Variants in COMT observed in about 807,000 individuals in gnomAD.
The protein encoded by COMT is catechol O-methyltransferase.
A neutral mutation model predicts 18.9 loss-of-function variants in COMT; 13 were observed. That is an observed-to-expected ratio of 0.69 (90% CI 0.45 to 1.09). The LOEUF (loss-of-function observed/expected upper bound fraction) is 1.09. COMT is among the 50% of genes least tolerant of loss of function. The pLI is 0.00. For synonymous variants in COMT, 150 were observed against 160.9 expected (o/e 0.93, Z 0.51); for missense variants, 329 against 361.8 (o/e 0.91, Z 0.73).
intron 1 of COMT, among the ~76,000 whole-genome samples, chr22:19,953,593 G>A (rs1034035328): frequency 5.3e-5 from 8 of 152,124 alleles, no homozygotes; most frequent in South Asian, 2.1e-4. Flanking sequence ...GCACCCAGCC[G>A]GCTTTGTTTA....
intron 1 of COMT, among the ~76,000 whole-genome samples, chr22:19,955,699 T>TG (rs1942042644): frequency 6.6e-6 from 1 of 152,236 alleles, no homozygotes; most frequent in African/African-American, 2.4e-5. Flanking sequence ...CCACCAGCCC[T>TG]GTGAGGGCAG....
intron 1 of COMT, among the ~76,000 whole-genome samples, chr22:19,946,445 G>A (rs907169532): frequency 2.0e-5 from 3 of 152,030 alleles, no homozygotes; most frequent in East Asian, 1.9e-4. Context: ...CCAAGATCAC[G>A]CCACTGCACT....
intron 1 of COMT, among the ~76,000 whole-genome samples, chr22:19,956,137 C>CCTTTTTTTTTTTTTTTT (rs1569129365): frequency 1.2e-5 from 1 of 84,814 alleles, no homozygotes; most frequent in Non-Finnish European, 2.1e-5. Context: ...TTCTTTTTTT[C>CCTTTTTTTTTTTTTTTT]TTTTTTTTTT....
At chr22:19,968,159 G>GT in intron 5 of COMT, among the ~76,000 whole-genome samples, 1 of 152,316 alleles carries the variant, frequency 6.6e-6, no homozygotes, top group South Asian at 2.1e-4. Context: ...CTCTCCTTGG[G>GT]TGCCTCTCCC....
At chr22:19,948,362 A>G (rs937515501) in intron 1 of COMT, among the ~76,000 whole-genome samples, 1 of 152,154 alleles carries the variant, frequency 6.6e-6, no homozygotes, top group Non-Finnish European at 1.5e-5. Context: ...TGAGATCAAG[A>G]CAATGTCACA....
At chr22:19,944,847 C>T (rs1025166940) in intron 1 of COMT, among the ~76,000 whole-genome samples, 3 of 152,044 alleles carry the variant, frequency 2.0e-5, no homozygotes, top group African/African-American at 7.2e-5. Flanking sequence ...CAAAACAAAA[C>T]ACCTACAAAA....
At chr22:19,963,412 C>G in intron 3 of COMT, 154 bp from the exon 4 acceptor site, 1 of 846,390 alleles carries the variant, frequency 1.2e-6, no homozygotes, top group Non-Finnish European at 1.9e-6. Flanking sequence ...AAATACCCCT[C>G]CAGCGGGTAG....
At chr22:19,946,972 G>A (rs2146129639) in intron 1 of COMT, among the ~76,000 whole-genome samples, 1 of 137,942 alleles carries the variant, frequency 7.2e-6, no homozygotes, top group Non-Finnish European at 1.5e-5. Context: ...CTGGAGTGCA[G>A]TGGCACGATC....
chr22:19,948,954 CAAAAAAAAA>C (rs71186636), intron 1 of COMT, among the ~76,000 whole-genome samples: 1 of 86,864 alleles, frequency 1.2e-5, no homozygotes, highest in African/African-American at 4.2e-5. Context: ...GACTCTGTCT[CAAAAAAAAA>C]AAAAAAAAAA....
At chr22:19,944,763 A>G (rs1159683073) in intron 1 of COMT, among the ~76,000 whole-genome samples, 3 of 151,736 alleles carry the variant, frequency 2.0e-5, no homozygotes, top group African/African-American at 7.3e-5. Flanking sequence ...TGGAGCTTGC[A>G]ATGAGCCGAG....
Position 19,968,748 on chromosome 22 carries a change from GC to G in COMT, c.*18del. ...AAGCAGGGCCCTGACTGCCCCCCCG[GC>G]CCCCCTCTCGGGCTCTCTCACCCAG... is the stretch of plus-strand genomic sequence containing the variant. On this transcript the variant is annotated 3_prime_UTR_variant, in exon 6 of 6. Coordinates refer to ENST00000361682, the MANE Select transcript of COMT (RefSeq NM_000754.4). 11 of 1,605,698 alleles carry G rather than the reference GC, an allele frequency of 6.9e-6. No homozygotes were observed. Among genetic ancestry groups the G allele is most frequent in the Non-Finnish European group, 8.5e-6 (10 of 1,178,432 alleles).
In COMT at chr22:19,955,304, G is replaced by A. The variant is rs376214185; in HGVS notation, c.-91-5895G>A. Reference sequence around the variant, plus strand: ...GCAGCCTGTGGGGTCTCCCAGGCTGGCCTCCAGGTGTCCTCTCAGCCTGTC... The same window carrying A: ...GCAGCCTGTGGGGTCTCCCAGGCTGACCTCCAGGTGTCCTCTCAGCCTGTC... On this transcript the variant is annotated intron_variant, in intron 1 of 5. Coordinates refer to ENST00000361682, the MANE Select transcript of COMT (RefSeq NM_000754.4). 3.3e-5 allele frequency among the ~76,000 whole-genome samples: 5 copies of A among 152,328 alleles called. No individual in the cohort carries two copies. The South Asian group carries it at 8.3e-4, about 25-fold the overall frequency.
rs1053252285 is a variant in COMT, at chr22:19,968,796, C to T, written c.*60C>T. 4.0e-5 allele frequency: 61 copies of T among 1,518,754 alleles called. No individual in the cohort carries two copies. The highest frequency in any genetic ancestry group is 4.0e-4 in the African/African-American group (29 of 73,364). The allele number at this position is 1,518,754 out of a possible 1,614,324, so 94.1% of individuals were successfully genotyped here. A position where few individuals can be genotyped will look rare whatever the true frequency, so the allele number is the denominator to read the frequency against. On this transcript the variant is annotated 3_prime_UTR_variant, in exon 6 of 6. Coordinates refer to ENST00000361682, the MANE Select transcript of COMT (RefSeq NM_000754.4). ...CCAGCCTGGTACTGAAGGTGCCAGACGTGCTCCTGCTGACCTTCTGCGGCT... is the reference window on the plus strand; with the variant it reads ...CCAGCCTGGTACTGAAGGTGCCAGATGTGCTCCTGCTGACCTTCTGCGGCT...
At chr22:19,956,126 T>TC (rs1425981958) in intron 1 of COMT, among the ~76,000 whole-genome samples, 10 of 144,790 alleles carry the variant, frequency 6.9e-5, no homozygotes, top group Non-Finnish European at 1.2e-4. Flanking sequence ...CTTTCTTTTT[T>TC]TTCTTTTTTT....
chr22:19,943,310 G>C (rs1309693778), intron 1 of COMT, among the ~76,000 whole-genome samples: 2 of 152,188 alleles, frequency 1.3e-5, no homozygotes, highest in Non-Finnish European at 2.9e-5. Context: ...GGTAGCAAAG[G>C]ATTTTTGCTG....
intron 1 of COMT, among the ~76,000 whole-genome samples, chr22:19,959,446 G>T (rs1289377850): frequency 6.6e-6 from 1 of 152,242 alleles, no homozygotes; most frequent in Non-Finnish European, 1.5e-5. Flanking sequence ...GTGGTCCCGC[G>T]TCCCTCCCGG....
intron 1 of COMT, among the ~76,000 whole-genome samples, chr22:19,950,245 T>TCTTTTC (rs201672521): frequency 3.7e-4 from 33 of 88,544 alleles, no homozygotes; most frequent in African/African-American, 1.5e-3. Context: ...TCTTTTCTTT[T>TCTTTTC]TTTTTTTTTT....
chr22:19,964,700 A>C, intron 5 of COMT: 1 of 544,162 alleles, frequency 1.8e-6, no homozygotes, highest in South Asian at 2.1e-5. Context: ...CAAAGAAAGC[A>C]TGTGTCTCCT....
At chr22:19,942,061 G>A (rs1941743281) in intron 1 of COMT, 164 bp downstream of exon 1, 1 of 389,302 alleles carries the variant, frequency 2.6e-6, no homozygotes, top group Non-Finnish European at 4.5e-6. Context: ...ATCTGGATGG[G>A]AACTGGGGAA....
Sources: allele counts gnomAD v4.1 joint callset (sites outside exome capture counted in the v4.1 genomes callset), GRCh38; gene constraint gnomAD v4.1.1; transcripts MANE v1.5; gene names NCBI Gene and HGNC (gene_info 2026-07-23, HGNC 2026-07-21).